P2RY14: variants seen among roughly 807,000 people sequenced by gnomAD.
The protein encoded by P2RY14 is P2Y purinoceptor 14.
A neutral mutation model predicts 0.9 loss-of-function variants in P2RY14; 2 were observed. The observed-to-expected ratio is 2.16, with a 90% confidence interval of 0.88 to 6.79. P2RY14 has a LOEUF of 6.79. Among genes scored for constraint, P2RY14 ranks in the 30% most tolerant of loss-of-function variants. P2RY14 has a pLI of 0.05. For synonymous variants in P2RY14, 158 were observed against 147.2 expected (o/e 1.07, Z -0.53); for missense variants, 378 against 400.1 (o/e 0.94, Z 0.47).
intron 2 of P2RY14, among the ~76,000 whole-genome samples, 155 bp from the exon 3 acceptor site, chr3:151,214,495 C>A (rs188370993): frequency 1.3e-5 from 2 of 152,122 alleles, no homozygotes; most frequent in African/African-American, 4.8e-5. Flanking sequence ...ATCCCTCCCT[C>A]CCTCTGTTCT....
chr3:151,246,384 C>T (rs879435624), intron 1 of P2RY14, among the ~76,000 whole-genome samples: 2,294 of 152,072 alleles, frequency 0.015, 24 homozygotes, highest in Non-Finnish European at 0.025. Flanking sequence ...TACAAGGCTA[C>T]AGTAACCAAA....
intron 1 of P2RY14, among the ~76,000 whole-genome samples, chr3:151,236,719 CT>C (rs1221535198): frequency 5.5e-4 from 83 of 152,230 alleles, no homozygotes; most frequent in African/African-American, 1.9e-3. Context: ...TATGTAATCT[CT>C]TCATGATTTT....
chr3:151,214,479 A>G, intron 2 of P2RY14, 139 bp from the exon 3 acceptor site: 1 of 565,038 alleles, frequency 1.8e-6, no homozygotes, highest in Non-Finnish European at 3.1e-6. Context: ...TGTAAGTTAG[A>G]CACTCATCCC....
chr3:151,258,280 A>G lies in P2RY14; in HGVS notation c.-133+20007T>C, dbSNP rs544327114. Among the ~76,000 whole-genome samples, 63 of 152,346 alleles carry G rather than the reference A, an allele frequency of 4.1e-4. 1 individual carries two copies. Among genetic ancestry groups the G allele is most frequent in the African/African-American group, 1.3e-3 (53 of 41,588 alleles). The stretch of plus-strand genomic sequence containing the variant: ...ACCCTCACAATTGTTGCTTTCTAAT[A>G]TAATTTCACTAGTTCTTCCCACTTT... On this transcript the variant is annotated intron_variant, in intron 1 of 2. Coordinates refer to ENST00000309170, the MANE Select transcript of P2RY14 (RefSeq NM_014879.4).
At chr3:151,271,386 T>C (rs1405367481) in intron 1 of P2RY14, among the ~76,000 whole-genome samples, 1 of 152,234 alleles carries the variant, frequency 6.6e-6, no homozygotes, top group Non-Finnish European at 1.5e-5. Flanking sequence ...GAATAATTGA[T>C]ACTTTGGTAT....
Position 151,213,604 on chromosome 3 carries a change from A to T in P2RY14, c.713T>A (p.Ile238Asn). Residue 238 changes from isoleucine (I) to asparagine (N), a missense_variant, in exon 3 of 3, where the codon ATC (isoleucine) becomes AAC (asparagine). Coordinates refer to ENST00000309170, the MANE Select transcript of P2RY14 (RefSeq NM_014879.4). The stretch of plus-strand genomic sequence containing the variant: ...AAAACAGACAAAAAACACAAACACG[A>T]TGCTGAATATGTTGCGGCTAGATTT... ...KKKSSRNIFSIVFVFFVCFVP... is the reference protein window; with the variant it reads ...KKKSSRNIFSNVFVFFVCFVP... 6.2e-7 allele frequency: 1 copy of T among 1,614,192 alleles called. No individual in the cohort carries two copies. Among genetic ancestry groups the T allele is most frequent in the Non-Finnish European group, 8.5e-7 (1 of 1,180,032 alleles).
intron 1 of P2RY14, among the ~76,000 whole-genome samples, chr3:151,227,690 G>A (rs1730815523): frequency 6.6e-6 from 1 of 152,196 alleles, no homozygotes; most frequent in South Asian, 2.1e-4. Flanking sequence ...ATGGCAAACT[G>A]GGGGCCAGGA....
At chr3:151,269,441 A>ACACACACACAC (rs1559962861) in intron 1 of P2RY14, 79 of 231,362 alleles carry the variant, frequency 3.4e-4, no homozygotes, top group Middle Eastern at 1.5e-3. Flanking sequence ...ACACACACAC[A>ACACACACACAC]AAATTCAGAG....
At chr3:151,243,139 C>T (rs1195881488) in intron 1 of P2RY14, among the ~76,000 whole-genome samples, 1 of 152,040 alleles carries the variant, frequency 6.6e-6, no homozygotes, top group Admixed American at 6.5e-5. Flanking sequence ...TCTATGTCTG[C>T]TTGGTGTACC....
At position 151,266,581 on chromosome 3, in the gene P2RY14, T is replaced by C. The variant is rs1414309529; in HGVS notation, c.-133+11706A>G. On this transcript the variant is annotated intron_variant, in intron 1 of 2. Coordinates refer to ENST00000309170, the MANE Select transcript of P2RY14 (RefSeq NM_014879.4). Reference sequence around the variant, plus strand: ...GTTAGCTATAAGAGATGGGGGTTGCTGTCTTATTTTCCTTGAACATTCTTT... The same window carrying C: ...GTTAGCTATAAGAGATGGGGGTTGCCGTCTTATTTTCCTTGAACATTCTTT... Among the ~76,000 whole-genome samples the C allele has an allele frequency of 4.6e-5, 7 of 152,374 alleles. No homozygotes were observed. The South Asian group carries it at 6.2e-4, about 14-fold the overall frequency.
chr3:151,276,772 A>G (rs1209279802), intron 1 of P2RY14, among the ~76,000 whole-genome samples: 2 of 152,334 alleles, frequency 1.3e-5, no homozygotes, highest in African/African-American at 2.4e-5. Context: ...ACCTGCTTCA[A>G]CTGTGAAGTG....
rs139896697 is a variant in P2RY14 at position 151,213,433 on chromosome 3, T to G, written c.884A>C (p.Tyr295Ser). 125 of 1,614,110 alleles carry G rather than the reference T, an allele frequency of 7.7e-5. 1 individual carries two copies. The highest frequency in any genetic ancestry group is 1.9e-4 in the African/African-American group (14 of 75,048). ...AANVCLDPII[Y>S]FFLCQPFREI... ...CCTAAACGGCTGGCATAGAAAGAAA[T>G]AAATAATAGGGTCCAAGCATACATT... The change falls in exon 3 of 3, where the codon TAT (tyrosine) becomes TCT (serine). Residue 295 changes from tyrosine to serine, a missense_variant. By Grantham distance (144) the Tyr-to-Ser change is moderately radical. Coordinates refer to ENST00000309170, the MANE Select transcript of P2RY14 (RefSeq NM_014879.4).
chr3:151,218,736 A>G (rs1728725437), intron 2 of P2RY14, among the ~76,000 whole-genome samples: 1 of 151,590 alleles, frequency 6.6e-6, no homozygotes, highest in Non-Finnish European at 1.5e-5. Context: ...GTGTGGTGGC[A>G]TACACCTGTA....
At chr3:151,235,926 T>C (rs546217142) in intron 1 of P2RY14, among the ~76,000 whole-genome samples, 9 of 152,260 alleles carry the variant, frequency 5.9e-5, no homozygotes, top group African/African-American at 1.7e-4. Flanking sequence ...TGTTTTCTCT[T>C]GTCTCCCTTT....
chr3:151,238,785 G>A (rs1028044848), intron 1 of P2RY14, among the ~76,000 whole-genome samples: 12 of 152,070 alleles, frequency 7.9e-5, no homozygotes, highest in African/African-American at 2.2e-4. Context: ...TTAATATTTT[G>A]TGTGCCAAAA....
chr3:151,275,726 A>C (rs1741741685), intron 1 of P2RY14, among the ~76,000 whole-genome samples: 1 of 152,228 alleles, frequency 6.6e-6, no homozygotes, highest in African/African-American at 2.4e-5. Flanking sequence ...AAATTTAGTA[A>C]AGAGGGTTTT....
chr3:151,230,810 C>A (rs959140720), intron 1 of P2RY14, among the ~76,000 whole-genome samples: 1 of 152,126 alleles, frequency 6.6e-6, no homozygotes, highest in African/African-American at 2.4e-5. Flanking sequence ...AAGTGAAACC[C>A]CCCTGCCAAT....
intron 1 of P2RY14, among the ~76,000 whole-genome samples, chr3:151,232,822 A>G (rs1019296116): frequency 5.3e-5 from 8 of 152,190 alleles, no homozygotes; most frequent in African/African-American, 1.9e-4. Context: ...GCAGAAAGAT[A>G]ACTATTGGGT....
chr3:151,270,999 G>A (rs753202582), intron 1 of P2RY14, among the ~76,000 whole-genome samples: 4 of 148,486 alleles, frequency 2.7e-5, no homozygotes, highest in Non-Finnish European at 5.9e-5. Flanking sequence ...AACTAAATGT[G>A]TACACATACC....
Sources: allele counts gnomAD v4.1 joint callset (sites outside exome capture counted in the v4.1 genomes callset), GRCh38; gene constraint gnomAD v4.1.1; transcripts MANE v1.5; gene names NCBI Gene and HGNC (gene_info 2026-07-23, HGNC 2026-07-21).